TTC34: variants seen among roughly 807,000 people sequenced by gnomAD.
TTC34 encodes tetratricopeptide repeat domain 34.
A neutral mutation model predicts 40.7 loss-of-function variants in TTC34; 44 were observed. That is an observed-to-expected ratio of 1.08 (90% CI 0.85 to 1.39). TTC34 has a LOEUF of 1.39. Ranked by LOEUF, TTC34 falls within the 40% of genes most tolerant of loss-of-function variation. TTC34 has a pLI of 0.00. For synonymous variants in TTC34, 422 were observed against 398.6 expected (o/e 1.06, Z -0.70); for missense variants, 884 against 838.0 (o/e 1.05, Z -0.68).
rs564184457 is a variant in TTC34, at chr1:2,681,665, C to A, written c.2227-36102G>T. ...TGACAGCCTGGAGCAGCATCCACAC[C>A]CCCAGGTGAGCATTTGACAGCCTGG... On this transcript the variant is annotated intron_variant, in intron 6 of 8. Coordinates refer to ENST00000401095, the Ensembl canonical transcript of TTC34. Among the ~76,000 whole-genome samples the A allele has an allele frequency of 1.1e-4, 10 of 88,642 alleles. No individual in the cohort carries two copies. In the East Asian group the frequency reaches 2.2e-3, roughly 19 times the overall value. The allele number at this position is 88,642 out of a possible 152,430, so 58.2% of individuals were successfully genotyped here.
chr1:2,694,978 AGC>A (rs1640793225), intron 6 of TTC34, among the ~76,000 whole-genome samples: 1 of 71,678 alleles, frequency 1.4e-5, no homozygotes, highest in Admixed American at 1.6e-4. Context: ...GACAGCCTGG[AGC>A]AGCACCCTGC....
At chr1:2,662,832 CCGACAACCCCAGGTGA>C (rs1639601764) in intron 6 of TTC34, among the ~76,000 whole-genome samples, 1 of 31,512 alleles carries the variant, frequency 3.2e-5, no homozygotes, top group Admixed American at 3.3e-4. Context: ...TGGAGCAGCA[CCGACAACCCCAGGTGA>C]GCATCTGAGA....
intron 6 of TTC34, among the ~76,000 whole-genome samples, chr1:2,753,150 T>G (rs1418674174): frequency 1.9e-5 from 2 of 103,224 alleles, no homozygotes; most frequent in Non-Finnish European, 3.6e-5. Context: ...GGTGAGCATC[T>G]GACGGCCTGG....
intron 6 of TTC34, among the ~76,000 whole-genome samples, chr1:2,694,256 G>GGTGAGCATCTGA (rs1640760585): frequency 1.2e-4 from 1 of 8,188 alleles, no homozygotes; most frequent in Non-Finnish European, 2.3e-4. Context: ...ACAGCCTGGA[G>GGTGAGCATCTGA]CAGCACCCCA....
exon 6 of TTC34, chr1:2,783,704 T>C: frequency 1.3e-6 from 2 of 1,545,792 alleles, no homozygotes; most frequent in Non-Finnish European, 1.7e-6. Flanking sequence ...AAGTCGAACA[T>C]GGCCGTCTTC....
chr1:2,685,805 G>A (rs1557610432), intron 6 of TTC34, among the ~76,000 whole-genome samples: 1 of 151,818 alleles, frequency 6.6e-6, no homozygotes, highest in Non-Finnish European at 1.5e-5. Flanking sequence ...ACACCCCCAG[G>A]TGAGCATCTG....
chr1:2,752,772 A>T (rs1641366483), intron 6 of TTC34, among the ~76,000 whole-genome samples: 10 of 116,414 alleles, frequency 8.6e-5, no homozygotes, highest in African/African-American at 1.5e-4. Flanking sequence ...CAGCACCCAT[A>T]CGCCCAGATA....
intron 6 of TTC34, among the ~76,000 whole-genome samples, chr1:2,750,702 C>CTT: frequency 1.4e-5 from 1 of 69,406 alleles, no homozygotes; most frequent in African/African-American, 6.8e-5. Flanking sequence ...AGTGAGCATC[C>CTT]GACAGCCTGG....
chr1:2,789,546 G>T (rs1367738553), exon 3 of TTC34: 11 of 1,497,092 alleles, frequency 7.3e-6, no homozygotes, highest in Non-Finnish European at 8.9e-6. Context: ...GCCTCCCTCC[G>T]GCCCTGCGCT....
intron 6 of TTC34, among the ~76,000 whole-genome samples, chr1:2,682,594 G>C (rs1640128879): frequency 6.8e-6 from 1 of 148,112 alleles, no homozygotes; most frequent in South Asian, 2.2e-4. Flanking sequence ...CACAGCCCAA[G>C]GTGAGCATCT....
At chr1:2,687,907 G>T (rs1475472721) in intron 6 of TTC34, among the ~76,000 whole-genome samples, 7 of 152,230 alleles carry the variant, frequency 4.6e-5, no homozygotes, top group Non-Finnish European at 8.8e-5. Context: ...GCATCTGACA[G>T]ACTGGAACAG....
At chr1:2,641,240 AG>A in exon 9 of TTC34, 1 of 910,060 alleles carries the variant, frequency 1.1e-6, no homozygotes, top group East Asian at 3.4e-5. Context: ...AGGGCTGGGA[AG>A]GGGGTGTGGA....
At position 2,641,679 on chromosome 1, in the gene TTC34, C is replaced by A. The variant is rs754725215; in HGVS notation, c.2929G>T (p.Ala977Ser). Residue 977 changes from alanine (A) to serine (S), a missense_variant, in exon 9 of 9, where the codon GCA (alanine) becomes TCA (serine). Physicochemically the swap from Ala to Ser is moderately conservative, Grantham distance 99 (BLOSUM62 1). Transcript: ENST00000401095. ...CGACCCTGACGGCAGAAGTCCTCTG[C>A]CCGCCTTGGGAGGTCACCATCCCCC... The A allele has an allele frequency of 3.9e-6, 6 of 1,535,472 alleles. No homozygotes were observed. In the South Asian group the frequency reaches 7.1e-5, roughly 18 times the overall value.
At chr1:2,683,841 T>G (rs1640195018) in intron 6 of TTC34, among the ~76,000 whole-genome samples, 1 of 142,700 alleles carries the variant, frequency 7.0e-6, no homozygotes, top group African/African-American at 2.7e-5. Flanking sequence ...CACCCCCAGG[T>G]GAACATCCGA....
chr1:2,750,190 G>T (rs1641268881), intron 6 of TTC34, among the ~76,000 whole-genome samples: 114 of 147,866 alleles, frequency 7.7e-4, no homozygotes, highest in Non-Finnish European at 1.2e-3. Context: ...GACAGCCTGG[G>T]TCGGCACCCA....
intron 6 of TTC34, among the ~76,000 whole-genome samples, chr1:2,674,886 G>C (rs1320940895): frequency 2.6e-5 from 3 of 114,246 alleles, no homozygotes; most frequent in Non-Finnish European, 4.1e-5. Context: ...CACAGCCACA[G>C]GCGAGCATCT....
In TTC34 at chr1:2,645,957, G is replaced by A. The variant is rs1639013269; in HGVS notation, c.2227-394C>T. Among the ~76,000 whole-genome samples the A allele has an allele frequency of 6.6e-6, 1 of 152,088 alleles. No individual in the cohort carries two copies. The highest frequency in any genetic ancestry group is 1.5e-5 in the Non-Finnish European group (1 of 68,010). ...CCTGTCCCTCCCCACAGGGGCATCT[G>A]TCACCTCACAGTGGGGGACGCTGGA... is the stretch of plus-strand genomic sequence containing the variant. On this transcript the variant is annotated intron_variant, in intron 6 of 8. Coordinates refer to ENST00000401095, the Ensembl canonical transcript of TTC34. The surrounding 1 kb of genome is among the most constrained non-coding windows in gnomAD (Gnocchi z 4.7).
In TTC34 at chr1:2,683,493, G is replaced by A. The variant is rs1312291301; in HGVS notation, c.2227-37930C>T. Among the ~76,000 whole-genome samples, 5 of 143,222 alleles carry A rather than the reference G, an allele frequency of 3.5e-5. No homozygotes were observed. The South Asian group carries it at 6.5e-4, about 19-fold the overall frequency. The allele number at this position is 143,222 out of a possible 152,430, so 94.0% of individuals were successfully genotyped here. On this transcript the variant is annotated intron_variant, in intron 6 of 8. Transcript: ENST00000401095. The stretch of plus-strand genomic sequence containing the variant: ...CACACCACCAGGCGAGCATCTGACA[G>A]CCTGGAACGGCACCCACACCACCAG...
chr1:2,783,848 C>T (rs578022788), intron 5 of TTC34, 73 bp from the exon 6 acceptor site: 38 of 1,325,808 alleles, frequency 2.9e-5, no homozygotes, highest in Non-Finnish European at 3.4e-5. Flanking sequence ...CTGCCCAGCC[C>T]GGGGAGGGCA....
Sources: allele counts gnomAD v4.1 joint callset (sites outside exome capture counted in the v4.1 genomes callset), GRCh38; gene constraint gnomAD v4.1.1; non-coding constraint Gnocchi (gnomAD v3.1); transcripts MANE v1.5; gene names NCBI Gene and HGNC (gene_info 2026-07-23, HGNC 2026-07-21).